Variants in KAZN observed in about 807,000 individuals in gnomAD.
The protein encoded by KAZN is kazrin, periplakin interacting protein, also known as kazrin.
Under a neutral mutation model 87.4 loss-of-function variants are expected in KAZN, and 40 were observed. That is an observed-to-expected ratio of 0.46 (90% CI 0.36 to 0.60). KAZN has a LOEUF of 0.60. Ranked by LOEUF, KAZN falls within the 20% of genes least tolerant of loss-of-function variation. The probability of loss-of-function intolerance (pLI) is 0.00; values close to 1 mark genes in which losing one functional copy is unlikely to be tolerated. For missense variants in KAZN, 898 were observed against 1,073.9 expected, an observed-to-expected ratio of 0.84 and a Z score of 2.29; for synonymous variants, 466 against 458.3, an observed-to-expected ratio of 1.02 and a Z score of -0.22.
chr1:15,025,682 C>G (rs1030555757), intron 2 of KAZN, among the ~76,000 whole-genome samples: 12 of 152,202 alleles, frequency 7.9e-5, no homozygotes, highest in African/African-American at 2.2e-4. Context: ...CCAGGGTGCA[C>G]TTGGAGAGAG....
intron 1 of KAZN, among the ~76,000 whole-genome samples, chr1:14,763,826 T>C (rs1222238219): frequency 6.6e-6 from 1 of 152,206 alleles, no homozygotes; most frequent in Non-Finnish European, 1.5e-5. Flanking sequence ...CTTGGCTCTC[T>C]GCAACTTCCG....
intron 1 of KAZN, among the ~76,000 whole-genome samples, chr1:13,917,130 C>T (rs1229821785): frequency 1.3e-5 from 2 of 152,120 alleles, no homozygotes; most frequent in Admixed American, 6.5e-5. Context: ...GTGTGTAATA[C>T]AAATTTCATT....
intron 1 of KAZN, among the ~76,000 whole-genome samples, chr1:13,905,842 G>C (rs1639417335): frequency 6.6e-6 from 1 of 152,134 alleles, no homozygotes; most frequent in Non-Finnish European, 1.5e-5. Flanking sequence ...CACAACCTCG[G>C]TGACTTAAAA....
At chr1:14,198,579 G>A (rs931328307) in intron 2 of KAZN, among the ~76,000 whole-genome samples, 8 of 152,190 alleles carry the variant, frequency 5.3e-5, no homozygotes, top group Non-Finnish European at 1.2e-4. Context: ...TAGCCTGGGT[G>A]ACAGAGCAAG....
At chr1:14,212,988 A>G (rs1646886767) in intron 2 of KAZN, among the ~76,000 whole-genome samples, 1 of 152,220 alleles carries the variant, frequency 6.6e-6, no homozygotes, top group Non-Finnish European at 1.5e-5. Flanking sequence ...TGAATTCAAA[A>G]TGACATCTGT....
rs1478409219 is a variant in KAZN at position 14,727,467 on chromosome 1, T to C, written c.226+128244T>C. Among the ~76,000 whole-genome samples, 8 of 75,456 alleles carry C rather than the reference T, an allele frequency of 1.1e-4. 1 individual carries two copies. Among genetic ancestry groups the C allele is most frequent in the African/African-American group, 4.0e-4 (7 of 17,336 alleles). The allele number at this position is 75,456 out of a possible 152,430, so 49.5% of individuals were successfully genotyped here. Reference sequence around the variant, plus strand: ...TGCACTTTCTTTTTTTTTTTTTTTTTTTTTTTTTTTTTTTTTTTTTTTTTT... The same window carrying C: ...TGCACTTTCTTTTTTTTTTTTTTTTCTTTTTTTTTTTTTTTTTTTTTTTTT... On this transcript the variant is annotated intron_variant, in intron 1 of 14. Coordinates refer to ENST00000376030, the MANE Select transcript of KAZN (RefSeq NM_201628.3).
intron 1 of KAZN, among the ~76,000 whole-genome samples, chr1:14,774,866 G>A (rs1217182586): frequency 6.6e-6 from 1 of 152,124 alleles, no homozygotes; most frequent in African/African-American, 2.4e-5. Context: ...TCATCTACCT[G>A]TGGAAAGTTC....
At chr1:14,452,052 G>A (rs1420748536) in intron 2 of KAZN, among the ~76,000 whole-genome samples, 5 of 152,256 alleles carry the variant, frequency 3.3e-5, no homozygotes, top group Non-Finnish European at 7.4e-5. Flanking sequence ...CGATTCTCCT[G>A]CCTCAGCCTC....
At chr1:14,758,908 G>GA (rs34433134) in intron 1 of KAZN, among the ~76,000 whole-genome samples, 77,248 of 147,470 alleles carry the variant, frequency 0.52, 20,747 homozygotes, top group African/African-American at 0.62. Context: ...TTTGAATCCA[G>GA]AAAAAAAAAA....
intron 1 of KAZN, among the ~76,000 whole-genome samples, chr1:14,100,216 C>G (rs889702978): frequency 2.0e-5 from 3 of 152,180 alleles, no homozygotes; most frequent in African/African-American, 7.2e-5. Context: ...ATGGAAGGCT[C>G]TTTAAATCCC....
intron 2 of KAZN, among the ~76,000 whole-genome samples, chr1:14,323,694 T>A (rs1571303883): frequency 6.6e-6 from 1 of 152,266 alleles, no homozygotes; most frequent in East Asian, 1.9e-4. Flanking sequence ...AGAATCACAT[T>A]CTTATTTTCT....
chr1:14,793,911 C>T (rs1205983147), intron 1 of KAZN, among the ~76,000 whole-genome samples: 1 of 152,190 alleles, frequency 6.6e-6, no homozygotes, highest in African/African-American at 2.4e-5. Context: ...CGTGCCCTCG[C>T]CTGTTAGGGG....
intron 1 of KAZN, among the ~76,000 whole-genome samples, chr1:14,834,342 C>G (rs1647150116): frequency 8.1e-6 from 1 of 123,440 alleles, no homozygotes; most frequent in Non-Finnish European, 1.8e-5. Flanking sequence ...GGCCCCAAGT[C>G]ACCAAGTCAC....
In KAZN at chr1:14,167,302, A is replaced by G. The variant is rs116592677; in HGVS notation, c.92-13133A>G. 4.7e-3 allele frequency among the ~76,000 whole-genome samples: 709 copies of G among 152,322 alleles called. 10 individuals are homozygous for G. Among genetic ancestry groups the G allele is most frequent in the Non-Finnish European group, 7.0e-3 (477 of 68,034 alleles). The stretch of plus-strand genomic sequence containing the variant: ...TTCATTGTGTCTTGTTTTATCCTAG[A>G]GAGAATCGCCTCCCCTCAACATCCC... On this transcript the variant is annotated intron_variant, in intron 1 of 16. Transcript: ENST00000636203.
Position 14,531,365 on chromosome 1 carries a change from G to T in KAZN, c.250-67618G>T, listed in dbSNP as rs575021064. 3.3e-5 allele frequency among the ~76,000 whole-genome samples: 5 copies of T among 152,312 alleles called. No individual in the cohort carries two copies. In the South Asian group the frequency reaches 1.0e-3, roughly 32 times the overall value. ...TACCCAAGTAAGCCAACAGGAAGCC[G>T]AAAATGTGTGTTCTCACTTCTATGC... is the stretch of plus-strand genomic sequence containing the variant. On this transcript the variant is annotated intron_variant, in intron 2 of 16. Transcript: ENST00000636203.
At position 14,706,694 on chromosome 1, in the gene KAZN, A is replaced by T. The variant is rs370623921; in HGVS notation, c.226+107471A>T. Among the ~76,000 whole-genome samples, 23 of 152,292 alleles carry T rather than the reference A, an allele frequency of 1.5e-4. No individual in the cohort carries two copies. In the East Asian group the frequency reaches 3.5e-3, roughly 23 times the overall value. On this transcript the variant is annotated intron_variant, in intron 1 of 14. Transcript: ENST00000376030. ...ACAGTTGGAGGTACTGAGGGTTGGG[A>T]CTTGAACATATGAATCTGGGGGGAA...
intron 2 of KAZN, among the ~76,000 whole-genome samples, chr1:14,353,550 G>A (rs935859966): frequency 6.6e-5 from 10 of 152,052 alleles, no homozygotes; most frequent in Non-Finnish European, 1.0e-4. Flanking sequence ...AACTTGAAGG[G>A]ATCTACCAAA....
rs1056934991 is a variant in KAZN at position 14,147,811 on chromosome 1, A to G, written c.92-32624A>G. Among the ~76,000 whole-genome samples, 8 of 151,062 alleles carry G rather than the reference A, an allele frequency of 5.3e-5. No individual in the cohort carries two copies. In the East Asian group the frequency reaches 7.9e-4, roughly 15 times the overall value. The stretch of plus-strand genomic sequence containing the variant: ...CTCCATCTCAAAAAAAAAAAACAAC[A>G]AAAAAACTAAAGGTCACTACGTAGA... On this transcript the variant is annotated intron_variant, in intron 1 of 16. Coordinates refer to the KAZN transcript ENST00000636203.
At chr1:14,084,348 G>A (rs1472881429) in intron 1 of KAZN, among the ~76,000 whole-genome samples, 16 of 152,170 alleles carry the variant, frequency 1.1e-4, no homozygotes, top group Non-Finnish European at 4.4e-5. Context: ...GGACATCCAG[G>A]TGGGGTGTCA....
Sources: gnomAD v4.1 joint callset for allele counts (sites outside exome capture counted in the v4.1 genomes callset) on GRCh38, gnomAD v4.1.1 for gene constraint, MANE v1.5 for transcripts, NCBI Gene and HGNC (gene_info 2026-07-23, HGNC 2026-07-21) for gene names.